ERGIC1: variants seen among roughly 807,000 people sequenced by gnomAD.
The protein encoded by ERGIC1 is endoplasmic reticulum-golgi intermediate compartment 1, also known as endoplasmic reticulum-Golgi intermediate compartment protein 1.
In ERGIC1, 19 loss-of-function variants were observed where a neutral mutation model predicts 38.3. The observed-to-expected ratio is 0.50, with a 90% CI of 0.35 to 0.73. The LOEUF is 0.73. ERGIC1 is among the 30% of genes least tolerant of loss of function. The probability of loss-of-function intolerance (pLI) is 0.01; values close to 1 mark genes in which losing one functional copy is unlikely to be tolerated. For missense variants in ERGIC1, 294 were observed against 389.2 expected (o/e 0.76, Z 2.06); for synonymous variants, 124 against 157.6 (o/e 0.79, Z 1.60).
intron 1 of ERGIC1, among the ~76,000 whole-genome samples, chr5:172,885,857 A>G (rs1762405261): frequency 1.3e-5 from 2 of 152,106 alleles, no homozygotes; most frequent in Non-Finnish European, 2.9e-5. Context: ...CCCAGGCCTC[A>G]TGTCATCTGC....
chr5:172,889,894 G>A (rs1440412707), intron 2 of ERGIC1, among the ~76,000 whole-genome samples: 2 of 152,172 alleles, frequency 1.3e-5, no homozygotes, highest in African/African-American at 4.8e-5. Flanking sequence ...CACTGAAAAC[G>A]TTTCAAATTT....
rs569542839 is a variant in ERGIC1, at chr5:172,845,382, C to T, written c.20+10949C>T. The stretch of plus-strand genomic sequence containing the variant: ...GCCCCTGCCGGGGGAGCCAGGAAGG[C>T]GTGCAGCACTTCCTGTGGGCAGCGG... On this transcript the variant is annotated intron_variant, in intron 1 of 9. Transcript: ENST00000393784. 5.3e-5 allele frequency among the ~76,000 whole-genome samples: 8 copies of T among 152,330 alleles called. No homozygotes were observed. The South Asian group carries it at 1.0e-3, about 20-fold the overall frequency.
At chr5:172,862,237 C>T (rs1183675797) in intron 1 of ERGIC1, among the ~76,000 whole-genome samples, 3 of 144,296 alleles carry the variant, frequency 2.1e-5, no homozygotes, top group Non-Finnish European at 3.0e-5. Context: ...ATCTGCCCAC[C>T]GCAGCCTTCC....
chr5:172,932,772 C>G (rs375313454), intron 8 of ERGIC1: 38 of 537,612 alleles, frequency 7.1e-5, no homozygotes, highest in Middle Eastern at 1.0e-3. Context: ...GGGTGTGATG[C>G]GTTTGACAAA....
chr5:172,905,715 G>A lies in ERGIC1; in HGVS notation c.156-3952G>A, dbSNP rs77367445. 8.9e-3 allele frequency among the ~76,000 whole-genome samples: 1,300 copies of A among 145,748 alleles called. 13 individuals are homozygous for A. The highest frequency in any genetic ancestry group is 0.032 in the African/African-American group (1,256 of 39,458). The stretch of plus-strand genomic sequence containing the variant: ...CTGTGACGACTGCGATCAGCACCAC[G>A]AGCTAAAGCTCAGCTCGAGCCGGAA... On this transcript the variant is annotated intron_variant, in intron 3 of 9. Coordinates refer to ENST00000393784, the MANE Select transcript of ERGIC1 (RefSeq NM_001031711.3).
rs1388404340 is a variant in ERGIC1 at position 172,837,776 on chromosome 5, A to G, written c.20+3343A>G. On this transcript the variant is annotated intron_variant, in intron 1 of 9. Coordinates refer to ENST00000393784, the MANE Select transcript of ERGIC1 (RefSeq NM_001031711.3). The surrounding 1 kb of genome is among the most constrained non-coding windows in gnomAD (Gnocchi z 4.3). ...ATTGTGTTTGCTTTGCTCTTGTTAA[A>G]TTGTTTCACTAATGGCTGGCTGTTG... Among the ~76,000 whole-genome samples the G allele has an allele frequency of 6.6e-6, 1 of 152,228 alleles. No individual in the cohort carries two copies. The highest frequency in any genetic ancestry group is 6.5e-5 in the Admixed American group (1 of 15,282).
Position 172,952,530 on chromosome 5 carries a change from A to C in ERGIC1, c.*1714A>C, listed in dbSNP as rs977100903. 5 of 143,418 alleles carry C rather than the reference A, an allele frequency of 3.5e-5. No homozygotes were observed. The highest frequency in any genetic ancestry group is 7.4e-5 in the Non-Finnish European group (5 of 67,892). 8.9% of individuals were successfully genotyped at this position (143,418 alleles called of 1,614,324 possible). On this transcript the variant is annotated 3_prime_UTR_variant, in exon 10 of 10. Transcript: ENST00000393784. The stretch of plus-strand genomic sequence containing the variant: ...ATGCATTTTTTTGAAGAAAAAAAAA[A>C]AAACAACTCTGAGGACATAGGGGAT...
chr5:172,862,307 C>CAAAAAAAAAA (rs58968820), intron 1 of ERGIC1, among the ~76,000 whole-genome samples: 12 of 49,452 alleles, frequency 2.4e-4, no homozygotes, highest in Middle Eastern at 0.028. Flanking sequence ...GACTACATCT[C>CAAAAAAAAAA]AAAAAAAAAA....
intron 1 of ERGIC1, among the ~76,000 whole-genome samples, chr5:172,859,679 C>T (rs1385162134): frequency 6.6e-6 from 1 of 152,234 alleles, no homozygotes; most frequent in Non-Finnish European, 1.5e-5. Context: ...CCGTAGCCCT[C>T]ACACCTCATG....
chr5:172,860,105 G>A (rs1361452979), intron 1 of ERGIC1, among the ~76,000 whole-genome samples: 2 of 151,724 alleles, frequency 1.3e-5, no homozygotes, highest in Non-Finnish European at 2.9e-5. Context: ...TTCTTTCACC[G>A]AACAGCATTG....
intron 1 of ERGIC1, among the ~76,000 whole-genome samples, chr5:172,835,009 AGGGGAGGAGGCGCCTT>A (rs1255597958): frequency 2.0e-5 from 3 of 152,268 alleles, no homozygotes; most frequent in African/African-American, 7.2e-5. Flanking sequence ...CACCATGGGA[AGGGGAGGAGGCGCCTT>A]GGGCAGGACT....
chr5:172,904,798 T>C (rs893351403), intron 3 of ERGIC1, among the ~76,000 whole-genome samples: 3 of 152,104 alleles, frequency 2.0e-5, no homozygotes, highest in Non-Finnish European at 2.9e-5. Context: ...CGAAGGCGGC[T>C]TTATTGACCT....
chr5:172,899,412 A>C (rs1020301618), intron 3 of ERGIC1, among the ~76,000 whole-genome samples: 29 of 134,804 alleles, frequency 2.2e-4, no homozygotes, highest in African/African-American at 8.8e-4. Context: ...CCGCCTCCCG[A>C]GTTCAAGAGA....
intron 9 of ERGIC1, among the ~76,000 whole-genome samples, chr5:172,947,183 CAA>C (rs11308202): frequency 2.4e-3 from 292 of 122,282 alleles, no homozygotes; most frequent in Admixed American, 2.9e-3. Flanking sequence ...GACTCAATCT[CAA>C]AAAAAAAAAA....
At chr5:172,950,453 AG>A (rs1288633622) in intron 9 of ERGIC1, among the ~76,000 whole-genome samples, 1 of 152,156 alleles carries the variant, frequency 6.6e-6, no homozygotes, top group Non-Finnish European at 1.5e-5. Flanking sequence ...CCTCATTCAG[AG>A]GGTGAATATG....
In ERGIC1 at chr5:172,909,706, C is replaced by G; in HGVS notation, c.195C>G (p.Ser65Arg). The G allele has an allele frequency of 6.2e-7, 1 of 1,614,160 alleles. No homozygotes were observed. Among genetic ancestry groups the G allele is most frequent in the South Asian group, 1.1e-5 (1 of 91,082 alleles). ...ELYVDDPDKD[S>R]GGKIDVSLNI... ...ATGTCGATGACCCAGACAAGGACAG[C>G]GGTGGCAAGATCGACGTCAGTCTGA... The change falls in exon 4 of 10, where the codon AGC becomes AGG. Residue 65 changes from serine to arginine, a missense_variant. Coordinates refer to ENST00000393784, the MANE Select transcript of ERGIC1 (RefSeq NM_001031711.3).
intron 1 of ERGIC1, among the ~76,000 whole-genome samples, chr5:172,857,670 G>A (rs571088296): frequency 2.1e-4 from 29 of 141,046 alleles, no homozygotes; most frequent in East Asian, 2.3e-4. Context: ...CCATGGCCAC[G>A]TGGTCATGGA....
chr5:172,937,090 G>C (rs1763902265), intron 9 of ERGIC1: 1 of 152,124 alleles, frequency 6.6e-6, no homozygotes, highest in Non-Finnish European at 1.5e-5. Context: ...GTTTTTTGCT[G>C]TTCTCTTTGA....
At chr5:172,852,714 T>TAA (rs1391760748) in intron 1 of ERGIC1, among the ~76,000 whole-genome samples, 2 of 152,228 alleles carry the variant, frequency 1.3e-5, no homozygotes, top group Non-Finnish European at 2.9e-5. Flanking sequence ...GCCAACAACT[T>TAA]ACCGTGTCAT....
Sources: gnomAD v4.1 joint callset for allele counts (sites outside exome capture counted in the v4.1 genomes callset) on GRCh38, gnomAD v4.1.1 for gene constraint, Gnocchi (gnomAD v3.1) non-coding constraint, MANE v1.5 for transcripts, NCBI Gene and HGNC (gene_info 2026-07-23, HGNC 2026-07-21) for gene names.